Variants in GNA12 observed in about 807,000 individuals in gnomAD.
GNA12 encodes G protein subunit alpha 12.
In GNA12, 9 loss-of-function variants were observed where a neutral mutation model predicts 26.0. That is an observed-to-expected ratio of 0.35 (90% CI 0.21 to 0.60). The LOEUF (loss-of-function observed/expected upper bound fraction) is 0.60, where lower values mean the gene tolerates loss of function less well. Among genes scored for constraint, GNA12 ranks in the 20% least tolerant of loss-of-function variants. The pLI is 0.78. For synonymous variants in GNA12, 264 were observed against 219.6 expected (o/e 1.20, Z -1.79); for missense variants, 405 against 525.8 (o/e 0.77, Z 2.25).
In GNA12 at chr7:2,763,086, TGA is replaced by T. The variant is rs1385989311; in HGVS notation, c.526-29587_526-29586del. The T allele has an allele frequency of 1.5e-5, 19 of 1,249,796 alleles. No homozygotes were observed. In the South Asian group the frequency reaches 4.0e-4, roughly 26 times the overall value. The allele number at this position is 1,249,796 out of a possible 1,614,324, so 77.4% of individuals were successfully genotyped here. A position where few individuals can be genotyped will look rare whatever the true frequency, so the allele number is the denominator to read the frequency against. On this transcript the variant is annotated intron_variant, in intron 2 of 3. Transcript: ENST00000275364. ...ACCGGGGCTCCCTACCAGCCTTGAG[TGA>T]GAGACCACAAGCAGCCTCTGAAGTC...
intron 1 of GNA12, among the ~76,000 whole-genome samples, chr7:2,811,009 C>T (rs73051415): frequency 0.1 from 15,949 of 152,198 alleles, 965 homozygotes; most frequent in Middle Eastern, 0.19. Context: ...CGCAGCTCAG[C>T]CTTTGGAGAT....
At chr7:2,813,708 GT>G (rs1403405508) in intron 1 of GNA12, among the ~76,000 whole-genome samples, 2 of 152,230 alleles carry the variant, frequency 1.3e-5, no homozygotes, top group African/African-American at 4.8e-5. Flanking sequence ...CAGCGTATTC[GT>G]TAGGAGATCT....
intron 2 of GNA12, among the ~76,000 whole-genome samples, chr7:2,738,186 G>A (rs752782703): frequency 1.8e-4 from 28 of 152,188 alleles, no homozygotes; most frequent in South Asian, 6.2e-4. Context: ...TTGGGAGGCC[G>A]AGGCAATCAC....
chr7:2,752,790 G>C (rs778305668), intron 2 of GNA12, among the ~76,000 whole-genome samples: 4 of 152,170 alleles, frequency 2.6e-5, no homozygotes, highest in Non-Finnish European at 5.9e-5. Context: ...AGATTGCCTA[G>C]AGAGGTATAG....
chr7:2,843,265 G>C (rs962105314), intron 1 of GNA12, among the ~76,000 whole-genome samples: 1 of 152,130 alleles, frequency 6.6e-6, no homozygotes, highest in African/African-American at 2.4e-5. Flanking sequence ...GCACATCCAG[G>C]AGGGGGCTAA....
At chr7:2,740,481 G>A (rs1790444914) in intron 2 of GNA12, among the ~76,000 whole-genome samples, 1 of 152,176 alleles carries the variant, frequency 6.6e-6, no homozygotes, top group Non-Finnish European at 1.5e-5. Flanking sequence ...TGATGGTGCT[G>A]CCACCCAGAT....
At position 2,782,726 on chromosome 7, in the gene GNA12, C is replaced by T. The variant is rs1406487202; in HGVS notation, c.525+12202G>A. Among the ~76,000 whole-genome samples the T allele has an allele frequency of 3.3e-5, 5 of 151,868 alleles. No homozygotes were observed. The East Asian group carries it at 7.7e-4, about 23-fold the overall frequency. ...CTGTTTGATATGATTTACCAGCCAC[C>T]GTCACTTCAAACATGGTGCTGCCCC... is the stretch of plus-strand genomic sequence containing the variant. On this transcript the variant is annotated intron_variant, in intron 2 of 3. Coordinates refer to ENST00000275364, the MANE Select transcript of GNA12 (RefSeq NM_007353.3).
intron 2 of GNA12, among the ~76,000 whole-genome samples, chr7:2,754,735 T>C (rs1245970223): frequency 2.6e-5 from 4 of 152,038 alleles, no homozygotes; most frequent in Admixed American, 6.5e-5. Flanking sequence ...AGCAACAGAG[T>C]GAGACCCTGC....
intron 2 of GNA12, among the ~76,000 whole-genome samples, chr7:2,741,045 AAAAC>A (rs10603977): frequency 0.33 from 49,428 of 151,152 alleles, 8,129 homozygotes; most frequent in Middle Eastern, 0.38. Flanking sequence ...ACTCCGTCTC[AAAAC>A]AAACAAACAA....
At chr7:2,836,690 G>T (rs367766022) in intron 1 of GNA12, among the ~76,000 whole-genome samples, 2 of 152,034 alleles carry the variant, frequency 1.3e-5, no homozygotes, top group Admixed American at 6.6e-5. Context: ...TTGGGAGGCC[G>T]AGGCGGGTGG....
intron 2 of GNA12, among the ~76,000 whole-genome samples, chr7:2,761,949 G>A (rs1047350566): frequency 1.3e-5 from 2 of 152,132 alleles, no homozygotes; most frequent in Non-Finnish European, 2.9e-5. Context: ...AATGTGGAGT[G>A]TCCAGCCGCC....
At chr7:2,797,340 C>G (rs1262864374) in intron 1 of GNA12, among the ~76,000 whole-genome samples, 1 of 152,088 alleles carries the variant, frequency 6.6e-6, no homozygotes, top group East Asian at 1.9e-4. Context: ...GTCAGGGTCT[C>G]ACTATATTGC....
intron 2 of GNA12, 148 bp downstream of exon 2, chr7:2,794,780 T>C (rs1792609218): frequency 4.7e-6 from 3 of 644,532 alleles, no homozygotes; most frequent in South Asian, 3.8e-5. Context: ...CTCCATCCCG[T>C]GTTTTGGTTG....
chr7:2,800,721 G>A (rs975621129), intron 1 of GNA12, among the ~76,000 whole-genome samples: 1 of 152,232 alleles, frequency 6.6e-6, no homozygotes, highest in Admixed American at 6.5e-5. Context: ...GTGGGCCTCA[G>A]ACGGAGCTTT....
At chr7:2,748,418 C>T (rs2115352709) in intron 2 of GNA12, among the ~76,000 whole-genome samples, 1 of 152,254 alleles carries the variant, frequency 6.6e-6, no homozygotes, top group African/African-American at 2.4e-5. Context: ...GAAAGGATTC[C>T]CTATTTAATA....
intron 2 of GNA12, among the ~76,000 whole-genome samples, chr7:2,735,425 C>G (rs1790118741): frequency 6.6e-6 from 1 of 151,700 alleles, no homozygotes; most frequent in Admixed American, 6.6e-5. Context: ...CCAGCCAGTG[C>G]TCTTATCACC....
intron 2 of GNA12, among the ~76,000 whole-genome samples, chr7:2,783,198 G>A (rs771430414): frequency 6.6e-6 from 1 of 152,136 alleles, no homozygotes; most frequent in South Asian, 2.1e-4. Context: ...CCATCTGTGG[G>A]GAATCTCCAT....
At chr7:2,755,682 G>A (rs896541814) in intron 2 of GNA12, among the ~76,000 whole-genome samples, 12 of 152,150 alleles carry the variant, frequency 7.9e-5, no homozygotes, top group African/African-American at 2.9e-4. Flanking sequence ...CTGCCAACAG[G>A]AACAGTCATA....
At chr7:2,802,636 G>A (rs921743063) in intron 1 of GNA12, among the ~76,000 whole-genome samples, 2 of 152,246 alleles carry the variant, frequency 1.3e-5, no homozygotes, top group African/African-American at 4.8e-5. Flanking sequence ...ACAAACTGAA[G>A]ATTCTGGATG....
Sources: gnomAD v4.1 joint callset for allele counts (sites outside exome capture counted in the v4.1 genomes callset) on GRCh38, gnomAD v4.1.1 for gene constraint, MANE v1.5 for transcripts, NCBI Gene and HGNC (gene_info 2026-07-23, HGNC 2026-07-21) for gene names.